STAM: variants seen among roughly 807,000 people sequenced by gnomAD.
The protein encoded by STAM is signal transducing adaptor molecule.
In STAM, 16 loss-of-function variants were observed where a neutral mutation model predicts 63.4. That is an observed-to-expected ratio of 0.25 (90% CI 0.17 to 0.38). The LOEUF is 0.38. Ranked by LOEUF, STAM falls within the 10% of genes least tolerant of loss-of-function variation. The probability of loss-of-function intolerance (pLI) is 1.00; values close to 1 mark genes in which losing one functional copy is unlikely to be tolerated. For missense variants in STAM, 636 were observed against 657.1 expected (o/e 0.97, Z 0.35); for synonymous variants, 238 against 223.9 (o/e 1.06, Z -0.56).
intron 5 of STAM, among the ~76,000 whole-genome samples, chr10:17,691,442 C>CGGGAGGCGGAGCTTGCA (rs1564557676): frequency 6.6e-6 from 1 of 152,078 alleles, no homozygotes; most frequent in African/African-American, 2.4e-5. Context: ...GGTGTGAACC[C>CGGGAGGCGGAGCTTGCA]GGGAGGCGGA....
At position 17,660,306 on chromosome 10, in the gene STAM, T is replaced by C. The variant is rs538540922; in HGVS notation, c.41-158T>C. Among the ~76,000 whole-genome samples the C allele has an allele frequency of 2.0e-5, 3 of 152,346 alleles. No homozygotes were observed. The South Asian group carries it at 6.2e-4, about 32-fold the overall frequency. On this transcript the variant is annotated intron_variant, in intron 1 of 13. Transcript: ENST00000377524. ...AATTGCAAGAGATAATGAGCGTACA[T>C]CTTTTCAAGATGGCCATGAAAATAA... is the stretch of plus-strand genomic sequence containing the variant.
At chr10:17,667,335 G>T (rs1834434470) in intron 2 of STAM, among the ~76,000 whole-genome samples, 1 of 152,054 alleles carries the variant, frequency 6.6e-6, no homozygotes, top group South Asian at 2.1e-4. Flanking sequence ...GTATTGGTCA[G>T]GTGGCCTTGA....
rs1836786102 is a variant in STAM, at chr10:17,715,667, C to T, written c.*887C>T. The T allele has an allele frequency of 6.6e-6, 1 of 152,526 alleles. No individual in the cohort carries two copies. Among genetic ancestry groups the T allele is most frequent in the Non-Finnish European group, 1.5e-5 (1 of 68,010 alleles). The allele number at this position is 152,526 out of a possible 1,614,324, so 9.4% of individuals were successfully genotyped here. On this transcript the variant is annotated 3_prime_UTR_variant, in exon 14 of 14. Transcript: ENST00000377524. ...CTAGTTGAAGATAGTAATTAGGTTTCTAAGCTGTATACTGTGTTTATTGGT... is the reference window on the plus strand; with the variant it reads ...CTAGTTGAAGATAGTAATTAGGTTTTTAAGCTGTATACTGTGTTTATTGGT...
intron 1 of STAM, among the ~76,000 whole-genome samples, chr10:17,656,461 G>A (rs1268361986): frequency 6.6e-6 from 1 of 151,970 alleles, no homozygotes; most frequent in African/African-American, 2.4e-5. Context: ...ATGGAATTCT[G>A]CCTCTCCACT....
intron 6 of STAM, 34 bp downstream of exon 6, chr10:17,693,346 A>G (rs782278047): frequency 1.3e-6 from 2 of 1,500,532 alleles, no homozygotes; most frequent in East Asian, 2.3e-5. Flanking sequence ...TGGGAATAAC[A>G]TAAGCCTTTA....
chr10:17,646,616 C>T (rs1403012742), intron 1 of STAM, among the ~76,000 whole-genome samples: 1 of 152,146 alleles, frequency 6.6e-6, no homozygotes, highest in African/African-American at 2.4e-5. Context: ...TGTTTTGCTC[C>T]AGAAAAGCTT....
rs1836779237 is a variant in STAM at position 17,715,507 on chromosome 10, AAATGAT to A, written c.*732_*737del. 1 of 152,572 alleles carries A rather than the reference AAATGAT, an allele frequency of 6.6e-6. No individual in the cohort carries two copies. The highest frequency in any genetic ancestry group is 1.5e-5 in the Non-Finnish European group (1 of 68,030). 9.5% of individuals were successfully genotyped at this position (152,572 alleles called of 1,614,324 possible). A position where few individuals can be genotyped will look rare whatever the true frequency, so the allele number is the denominator to read the frequency against. On this transcript the variant is annotated 3_prime_UTR_variant, in exon 14 of 14. Transcript: ENST00000377524. ...GCTAAATTTTTGGTGCAATTATAGCAAATGATAATGTTCCCTTTTGAACTTTTACAT... is the reference window on the plus strand; with the variant it reads ...GCTAAATTTTTGGTGCAATTATAGCAAATGTTCCCTTTTGAACTTTTACAT...
intron 9 of STAM, 75 bp downstream of exon 9, chr10:17,700,354 G>T: frequency 1.8e-6 from 2 of 1,141,326 alleles, no homozygotes; most frequent in South Asian, 3.4e-5. Context: ...AGAAAAAATT[G>T]ATTACTTGAG....
intron 2 of STAM, among the ~76,000 whole-genome samples, chr10:17,665,661 A>C (rs532222796): frequency 6.6e-6 from 1 of 151,978 alleles, no homozygotes; most frequent in Non-Finnish European, 1.5e-5. Context: ...GGCATGTAGA[A>C]TATCTAACAC....
rs142398393 is a variant in STAM at position 17,686,968 on chromosome 10, C to G, written c.298-1059C>G. Among the ~76,000 whole-genome samples, 1,167 of 152,312 alleles carry G rather than the reference C, an allele frequency of 7.7e-3. 12 individuals are homozygous for G. Among genetic ancestry groups the G allele is most frequent in the African/African-American group, 0.026 (1,080 of 41,568 alleles). ...TGTGAAGGTTTCTTTATATCTATTA[C>G]ATCAAATAGTAAGACTTCAAATTAT... On this transcript the variant is annotated intron_variant, in intron 4 of 13. Coordinates refer to ENST00000377524, the MANE Select transcript of STAM (RefSeq NM_003473.4).
At chr10:17,674,401 G>A (rs537923698) in intron 2 of STAM, among the ~76,000 whole-genome samples, 11 of 152,172 alleles carry the variant, frequency 7.2e-5, no homozygotes, top group South Asian at 2.1e-4. Flanking sequence ...TAGTCACATA[G>A]TGCCTGGGAC....
intron 4 of STAM, among the ~76,000 whole-genome samples, chr10:17,686,938 G>A (rs1260113869): frequency 2.0e-5 from 3 of 152,054 alleles, no homozygotes; most frequent in African/African-American, 7.2e-5. Flanking sequence ...TTCTTCTCTG[G>A]TATCTGTGAA....
At position 17,684,909 on chromosome 10, in the gene STAM, A is replaced by G; in HGVS notation, c.279A>G (p.Val93=). 6.2e-7 allele frequency: 1 copy of G among 1,613,832 alleles called. No individual in the cohort carries two copies. Among genetic ancestry groups the G allele is most frequent in the Non-Finnish European group, 8.5e-7 (1 of 1,179,760 alleles). ...EVCSRDFASE[V]SNVLNKGHPK... Reference sequence around the variant, plus strand: ...GTTCAAGAGATTTTGCTAGTGAAGTAAGCAACGTATTAAATAAGGTAAGGA... The same window carrying G: ...GTTCAAGAGATTTTGCTAGTGAAGTGAGCAACGTATTAAATAAGGTAAGGA... Residue 93 remains valine (V), a synonymous_variant, in exon 4 of 14, where the codon GTA becomes GTG. Transcript: ENST00000377524.
chr10:17,709,404 T>C (rs1216759355), intron 13 of STAM, among the ~76,000 whole-genome samples: 1 of 152,232 alleles, frequency 6.6e-6, no homozygotes, highest in Admixed American at 6.5e-5. Flanking sequence ...GAATTTAGTT[T>C]ATATTATATC....
At chr10:17,646,083 A>G (rs1554820798) in intron 1 of STAM, among the ~76,000 whole-genome samples, 3 of 152,180 alleles carry the variant, frequency 2.0e-5, no homozygotes, top group African/African-American at 7.2e-5. Context: ...CTTTTGTCCT[A>G]CGCTTATGCT....
chr10:17,697,051 CTG>C, intron 8 of STAM, among the ~76,000 whole-genome samples, 182 bp downstream of exon 8: 1 of 152,250 alleles, frequency 6.6e-6, no homozygotes, highest in South Asian at 2.1e-4. Flanking sequence ...TCCTGAGTAG[CTG>C]GGATTACAGG....
chr10:17,688,573 C>A (rs143551071), intron 5 of STAM, among the ~76,000 whole-genome samples: 2,092 of 152,168 alleles, frequency 0.014, 43 homozygotes, highest in African/African-American at 0.048. Flanking sequence ...GGTGATTCTC[C>A]TGCCGCAGCC....
chr10:17,665,577 G>A (rs1834343564), intron 2 of STAM, among the ~76,000 whole-genome samples: 1 of 151,686 alleles, frequency 6.6e-6, no homozygotes, highest in African/African-American at 2.4e-5. Context: ...TCTTAGAAAT[G>A]TATTTCTTTT....
At chr10:17,708,169 C>G (rs1296664169) in intron 12 of STAM, among the ~76,000 whole-genome samples, 2 of 152,194 alleles carry the variant, frequency 1.3e-5, no homozygotes, top group Admixed American at 6.5e-5. Context: ...GGATTACAGG[C>G]ATGAGCCACC....
Sources: gnomAD v4.1 joint callset for allele counts (sites outside exome capture counted in the v4.1 genomes callset) on GRCh38, gnomAD v4.1.1 for gene constraint, MANE v1.5 for transcripts, NCBI Gene and HGNC (gene_info 2026-07-23, HGNC 2026-07-21) for gene names.